PTPRN2: variants seen among roughly 807,000 people sequenced by gnomAD.
PTPRN2 encodes protein tyrosine phosphatase receptor type N2, also known as receptor-type tyrosine-protein phosphatase N2.
Under a neutral mutation model 118.8 loss-of-function variants are expected in PTPRN2, and 74 were observed. The ratio of observed to expected loss-of-function variants is 0.62; its 90% CI spans 0.52 to 0.76. The LOEUF (loss-of-function observed/expected upper bound fraction) is 0.76. Among genes scored for constraint, PTPRN2 ranks in the 30% least tolerant of loss-of-function variants. The probability of loss-of-function intolerance (pLI) is 0.00; values close to 1 mark genes in which losing one functional copy is unlikely to be tolerated. For synonymous variants in PTPRN2, 641 were observed against 608.0 expected (o/e 1.05, Z -0.80); for missense variants, 1,481 against 1,394.4 (o/e 1.06, Z -0.99).
At chr7:158,368,520 T>C (rs1341377558) in intron 2 of PTPRN2, among the ~76,000 whole-genome samples, 2 of 152,234 alleles carry the variant, frequency 1.3e-5, no homozygotes, top group Admixed American at 6.5e-5. Flanking sequence ...AAGCTCAGTG[T>C]GGACTTTTAG....
intron 2 of PTPRN2, among the ~76,000 whole-genome samples, chr7:158,441,978 T>C (rs1430558206): frequency 1.4e-5 from 2 of 145,020 alleles, no homozygotes; most frequent in Non-Finnish European, 3.1e-5. Context: ...ATGGCAGTGG[T>C]GGTGGTGGTG....
At chr7:158,545,539 C>G (rs907342638) in intron 1 of PTPRN2, among the ~76,000 whole-genome samples, 1 of 152,176 alleles carries the variant, frequency 6.6e-6, no homozygotes, top group Non-Finnish European at 1.5e-5. Flanking sequence ...TTGCGCTATT[C>G]TGGAATATCG....
intron 1 of PTPRN2, among the ~76,000 whole-genome samples, chr7:158,576,293 C>A (rs1007275582): frequency 2.0e-5 from 3 of 152,254 alleles, no homozygotes; most frequent in African/African-American, 7.2e-5. Context: ...TCAGACCACA[C>A]TCGTTTTGCA....
chr7:157,802,846 G>A (rs117308747), intron 12 of PTPRN2, among the ~76,000 whole-genome samples: 1 of 152,344 alleles, frequency 6.6e-6, no homozygotes, highest in Non-Finnish European at 1.5e-5. Context: ...TGTACAGTGT[G>A]TTGGCCATTT....
Position 158,489,604 on chromosome 7 carries a change from G to A in PTPRN2, c.163+131C>T, listed in dbSNP as rs529158283. 4.7e-4 allele frequency: 417 copies of A among 896,540 alleles called. 1 individual carries two copies. In the African/African-American group the frequency reaches 5.9e-3, roughly 13 times the overall value. The allele number at this position is 896,540 out of a possible 1,614,324, so 55.5% of individuals were successfully genotyped here. A position where few individuals can be genotyped will look rare whatever the true frequency, so the allele number is the denominator to read the frequency against. On this transcript the variant is annotated intron_variant, in intron 2 of 22. Coordinates refer to ENST00000389418, the MANE Select transcript of PTPRN2 (RefSeq NM_002847.5). ...AGCCCATGGCTCCGGGGTTCCATCCGCCTCCTCTCGGCAGCGCGCCCCGGG... is the reference window on the plus strand; with the variant it reads ...AGCCCATGGCTCCGGGGTTCCATCCACCTCCTCTCGGCAGCGCGCCCCGGG...
At chr7:158,434,247 A>T (rs1407045797) in intron 2 of PTPRN2, among the ~76,000 whole-genome samples, 1 of 152,178 alleles carries the variant, frequency 6.6e-6, no homozygotes, top group Non-Finnish European at 1.5e-5. Context: ...ATGTCTCTCT[A>T]AATACATGAC....
chr7:157,864,938 A>G (rs1252165785), intron 12 of PTPRN2: 1 of 152,224 alleles, frequency 6.6e-6, no homozygotes, highest in African/African-American at 2.4e-5. Flanking sequence ...ACAAGGGCTC[A>G]CAGCTGGCAG....
chr7:158,471,104 T>C lies in PTPRN2; in HGVS notation c.163+18631A>G, dbSNP rs1819817977. ...TTTTTTTTGTTTTGTTTTCATAAATTGCACTCCTGTCCAACCTCACAGTGC... is the reference window on the plus strand; with the variant it reads ...TTTTTTTTGTTTTGTTTTCATAAATCGCACTCCTGTCCAACCTCACAGTGC... On this transcript the variant is annotated intron_variant, in intron 2 of 22. Coordinates refer to ENST00000389418, the MANE Select transcript of PTPRN2 (RefSeq NM_002847.5). Among the ~76,000 whole-genome samples the C allele has an allele frequency of 2.0e-5, 3 of 152,266 alleles. 1 individual carries two copies. In the Middle Eastern group the frequency reaches 0.01, roughly 518 times the overall value.
intron 1 of PTPRN2, among the ~76,000 whole-genome samples, chr7:158,569,497 T>A (rs1043966237): frequency 4.6e-5 from 7 of 152,322 alleles, no homozygotes; most frequent in Admixed American, 2.0e-4. Context: ...CACGCCAGGC[T>A]GTGGGGCCGA....
rs28399889 is a variant in PTPRN2 at position 157,863,073 on chromosome 7, C to T, written c.1788+35600G>A. On this transcript the variant is annotated intron_variant, in intron 12 of 22. Coordinates refer to ENST00000389418, the MANE Select transcript of PTPRN2 (RefSeq NM_002847.5). ...CAAGCCAGTGCCTCCTGTGCTCCGG[C>T]TCTGGGGCCCTGGACACACCTGGGG... 1,493 of 152,410 alleles carry T rather than the reference C, an allele frequency of 9.8e-3. 24 individuals are homozygous for T. The highest frequency in any genetic ancestry group is 0.035 in the African/African-American group (1,441 of 41,574). 9.4% of individuals were successfully genotyped at this position (152,410 alleles called of 1,614,324 possible).
chr7:157,566,864 C>G (rs752842928), intron 21 of PTPRN2, among the ~76,000 whole-genome samples: 1 of 152,216 alleles, frequency 6.6e-6, no homozygotes, highest in African/African-American at 2.4e-5. Flanking sequence ...TGGAGACGCA[C>G]GCTGGGGTCA....
At chr7:158,506,507 C>T (rs979563063) in intron 1 of PTPRN2, among the ~76,000 whole-genome samples, 2 of 152,174 alleles carry the variant, frequency 1.3e-5, no homozygotes, top group South Asian at 4.2e-4. Context: ...GGCCACCTCC[C>T]GCCTAGCACC....
intron 2 of PTPRN2, among the ~76,000 whole-genome samples, chr7:158,329,996 A>C (rs1214742993): frequency 6.6e-6 from 1 of 152,066 alleles, no homozygotes; most frequent in Admixed American, 6.6e-5. Context: ...TCACGCCCGC[A>C]GACGACACTC....
chr7:157,698,401 A>G (rs1797910991), intron 12 of PTPRN2, among the ~76,000 whole-genome samples: 2 of 152,214 alleles, frequency 1.3e-5, no homozygotes, highest in Admixed American at 1.3e-4. Context: ...TAGGAACTCA[A>G]TGATGAGATA....
intron 20 of PTPRN2, among the ~76,000 whole-genome samples, chr7:157,569,337 G>A (rs1033423843): frequency 6.6e-6 from 1 of 152,248 alleles, no homozygotes; most frequent in African/African-American, 2.4e-5. Context: ...TCTGCAAGGT[G>A]CCTTCTCTAG....
At chr7:158,053,132 G>A (rs928161049) in intron 11 of PTPRN2, among the ~76,000 whole-genome samples, 1 of 152,186 alleles carries the variant, frequency 6.6e-6, no homozygotes, top group Non-Finnish European at 1.5e-5. Context: ...GTCAATAAAA[G>A]TGATTTTCAT....
chr7:157,762,756 AAG>A (rs1335062370), intron 12 of PTPRN2, among the ~76,000 whole-genome samples: 8 of 150,248 alleles, frequency 5.3e-5, no homozygotes, highest in African/African-American at 1.9e-4. Flanking sequence ...ATAAAAAAAA[AAG>A]AGAAAAAAGA....
intron 3 of PTPRN2, among the ~76,000 whole-genome samples, chr7:158,229,209 A>G (rs540949658): frequency 6.6e-6 from 1 of 152,208 alleles, no homozygotes; most frequent in South Asian, 2.1e-4. Context: ...ACAGGGACCT[A>G]GAAGGGGGAG....
At chr7:158,240,263 GA>G (rs1795833079) in intron 3 of PTPRN2, among the ~76,000 whole-genome samples, 1 of 152,142 alleles carries the variant, frequency 6.6e-6, no homozygotes, top group Non-Finnish European at 1.5e-5. Flanking sequence ...AAAAGAGAGA[GA>G]GAGAGAGAAA....
Sources: gnomAD v4.1 joint callset for allele counts (sites outside exome capture counted in the v4.1 genomes callset) on GRCh38, gnomAD v4.1.1 for gene constraint, MANE v1.5 for transcripts, NCBI Gene and HGNC (gene_info 2026-07-23, HGNC 2026-07-21) for gene names.